Variants in COPS8 observed in about 807,000 individuals in gnomAD.
The protein encoded by COPS8 is COP9 signalosome subunit 8.
COPS8 carries 11 observed loss-of-function variants against 31.5 expected under a neutral mutation model. That is an observed-to-expected ratio of 0.35 (90% CI 0.22 to 0.58). COPS8 has a LOEUF of 0.58. Among genes scored for constraint, COPS8 ranks in the 20% least tolerant of loss-of-function variants. The pLI, the probability that COPS8 is intolerant of heterozygous loss-of-function variation, is 0.83. For synonymous variants in COPS8, 81 were observed against 89.3 expected, an observed-to-expected ratio of 0.91 and a Z score of 0.52; for missense variants, 215 against 255.1, an observed-to-expected ratio of 0.84 and a Z score of 1.07.
Position 237,089,863 on chromosome 2 carries a change from C to A in COPS8, c.200C>A (p.Ala67Glu). 1 of 1,612,038 alleles carries A rather than the reference C, an allele frequency of 6.2e-7. No homozygotes were observed. ...WKRIPPAIKS[A>E]NSELGGIWSV... ...CTAAGGCAATAATATTTATTGCAGG[C>A]AAATTCTGAACTTGGGGGAATTTGG... The change falls in exon 4 of 8, where the codon GCA (alanine) becomes GAA (glutamate). Residue 67 changes from alanine (A) to glutamate (E), a missense_variant and splice_region_variant. Transcript: ENST00000354371.
intron 5 of COPS8, among the ~76,000 whole-genome samples, chr2:237,095,599 T>C (rs879884275): frequency 6.6e-6 from 1 of 152,208 alleles, no homozygotes; most frequent in Non-Finnish European, 1.5e-5. Context: ...TTTTAATGAT[T>C]ATAGCAACCT....
At position 237,098,092 on chromosome 2, in the gene COPS8, T is replaced by C. The variant is rs1696836620; in HGVS notation, c.*350T>C. On this transcript the variant is annotated 3_prime_UTR_variant, in exon 8 of 8. Transcript: ENST00000354371. ...TCCCAGCACATGCCGTACTCTTATATGTACCATTGGTTGATAATTATAATG... is the reference window on the plus strand; with the variant it reads ...TCCCAGCACATGCCGTACTCTTATACGTACCATTGGTTGATAATTATAATG... 2 of 178,416 alleles carry C rather than the reference T, an allele frequency of 1.1e-5. No homozygotes were observed. The highest frequency in any genetic ancestry group is 1.6e-4 in the East Asian group (1 of 6,328). The allele number at this position is 178,416 out of a possible 1,614,324, so 11.1% of individuals were successfully genotyped here. A position where few individuals can be genotyped will look rare whatever the true frequency, so the allele number is the denominator to read the frequency against.
chr2:237,095,811 T>C lies in COPS8; in HGVS notation c.440-11T>C, dbSNP rs775848951. The C allele has an allele frequency of 4.4e-6, 7 of 1,591,320 alleles. No homozygotes were observed. Among genetic ancestry groups the C allele is most frequent in the South Asian group, 1.1e-5 (1 of 90,604 alleles). On this transcript the variant is annotated splice_polypyrimidine_tract_variant and intron_variant, in intron 5 of 7. Coordinates refer to ENST00000354371, the MANE Select transcript of COPS8 (RefSeq NM_006710.5). Reference sequence around the variant, plus strand: ...TCTTTCCGGATCTTTATGTGTAATATACTTTTTTAGGCATATTAGAACAAG... The same window carrying C: ...TCTTTCCGGATCTTTATGTGTAATACACTTTTTTAGGCATATTAGAACAAG...
In COPS8 at chr2:237,100,437, A is replaced by G. The variant is rs763881876; in HGVS notation, c.*2695A>G. 2 of 152,180 alleles carry G rather than the reference A, an allele frequency of 1.3e-5. No individual in the cohort carries two copies. Among genetic ancestry groups the G allele is most frequent in the Non-Finnish European group, 2.9e-5 (2 of 68,046 alleles). 9.4% of individuals were successfully genotyped at this position (152,180 alleles called of 1,614,324 possible). On this transcript the variant is annotated 3_prime_UTR_variant, in exon 8 of 8. Coordinates refer to ENST00000354371, the MANE Select transcript of COPS8 (RefSeq NM_006710.5). The stretch of plus-strand genomic sequence containing the variant: ...CAGCCCATCAGCAGTTGTGAACATG[A>G]CATGGTGAATAAACACTCTCTTCCT...
chr2:237,090,743 A>C (rs543918990), intron 4 of COPS8, among the ~76,000 whole-genome samples: 1 of 152,290 alleles, frequency 6.6e-6, no homozygotes, highest in African/African-American at 2.4e-5. Flanking sequence ...CAGACAGCAG[A>C]GATTGTTTCT....
intron 4 of COPS8, among the ~76,000 whole-genome samples, chr2:237,092,470 GA>G (rs1696723019): frequency 6.6e-6 from 1 of 151,556 alleles, no homozygotes. Flanking sequence ...CAGAATATTT[GA>G]ACTGAAGTAA....
intron 2 of COPS8, 124 bp downstream of exon 2, chr2:237,087,321 G>T (rs1445219787): frequency 3.2e-6 from 2 of 616,384 alleles, no homozygotes; most frequent in Non-Finnish European, 5.8e-6. Context: ...TACAGTAATT[G>T]TTAACGTCTA....
At chr2:237,087,232 G>T (rs1385728064) in intron 2 of COPS8, 35 bp downstream of exon 2, 1 of 1,457,790 alleles carries the variant, frequency 6.9e-7, no homozygotes, top group Non-Finnish European at 9.4e-7. Flanking sequence ...AGAGCAACAG[G>T]TTTCTCAAAG....
intron 6 of COPS8, 63 bp downstream of exon 6, chr2:237,095,947 A>T: frequency 8.7e-7 from 1 of 1,147,140 alleles, no homozygotes; most frequent in Non-Finnish European, 1.3e-6. Flanking sequence ...TCAGGTTTTC[A>T]GTCTTTGGTT....
chr2:237,090,056 G>A (rs1696679215), intron 4 of COPS8, 62 bp downstream of exon 4: 1 of 1,528,300 alleles, frequency 6.5e-7, no homozygotes, highest in African/African-American at 1.4e-5. Flanking sequence ...GTGCTGCAGT[G>A]TTGAAGTAAT....
chr2:237,086,918 T>G, intron 1 of COPS8: 1 of 450,272 alleles, frequency 2.2e-6, no homozygotes, highest in Non-Finnish European at 3.7e-6. Context: ...AATATAAACT[T>G]AATACTCAGA....
At chr2:237,086,544 G>T (rs1233815077) in intron 1 of COPS8, among the ~76,000 whole-genome samples, 5 of 152,146 alleles carry the variant, frequency 3.3e-5, no homozygotes, top group Admixed American at 1.3e-4. Flanking sequence ...AAGTTATGCA[G>T]CTGTTAAAGT....
chr2:237,096,043 G>A, intron 6 of COPS8, among the ~76,000 whole-genome samples, 159 bp downstream of exon 6: 1 of 152,168 alleles, frequency 6.6e-6, no homozygotes, highest in East Asian at 1.9e-4. Flanking sequence ...GGGTAGAAAG[G>A]ATCACCTAGT....
At position 237,098,388 on chromosome 2, in the gene COPS8, A is replaced by T. The variant is rs1164411174; in HGVS notation, c.*646A>T. ...AAAATGCAACTTATTTAAGACATTT[A>T]TGAGACATATTAACTTGTGCTGTCG... On this transcript the variant is annotated 3_prime_UTR_variant, in exon 8 of 8. Coordinates refer to ENST00000354371, the MANE Select transcript of COPS8 (RefSeq NM_006710.5). The T allele has an allele frequency of 1.3e-5, 2 of 152,360 alleles. No individual in the cohort carries two copies. The highest frequency in any genetic ancestry group is 2.9e-5 in the Non-Finnish European group (2 of 68,114). The allele number at this position is 152,360 out of a possible 1,614,324, so 9.4% of individuals were successfully genotyped here.
rs1418763936 is a variant in COPS8, at chr2:237,085,900, G to T, written c.-65G>T. 6.7e-7 allele frequency: 1 copy of T among 1,503,522 alleles called. No individual in the cohort carries two copies. The highest frequency in any genetic ancestry group is 1.9e-5 in the Admixed American group (1 of 54,042). The allele number at this position is 1,503,522 out of a possible 1,614,324, so 93.1% of individuals were successfully genotyped here. ...CGGCTTTAAACGTCATCGCGGGCGC[G>T]ACGCCTGAGGGACAGTCTGGGGTTT... On this transcript the variant is annotated 5_prime_UTR_variant, in exon 1 of 8. Transcript: ENST00000354371.
At chr2:237,087,092 G>T (rs981670648) in intron 1 of COPS8, 35 bp from the exon 2 acceptor site, 131 of 1,413,384 alleles carry the variant, frequency 9.3e-5, no homozygotes, top group Non-Finnish European at 1.2e-4. Flanking sequence ...AAAATTTTGT[G>T]TTGTTTTGTT....
chr2:237,087,168 T>C lies in COPS8; in HGVS notation c.120T>C (p.Leu40=). 11 of 1,609,282 alleles carry C rather than the reference T, an allele frequency of 6.8e-6. No homozygotes were observed. The highest frequency in any genetic ancestry group is 9.3e-6 in the Non-Finnish European group (11 of 1,178,338). The part of the protein sequence containing the change: ...GIATPPVYGQ[L]LALYLLHNDM... ...CTACACCCCCAGTGTATGGTCAGCTTCTAGCTTTATATTTGCTCCATAATG... is the reference window on the plus strand; with the variant it reads ...CTACACCCCCAGTGTATGGTCAGCTCCTAGCTTTATATTTGCTCCATAATG... Residue 40 remains leucine, a synonymous_variant, in exon 2 of 8, where the codon CTT becomes CTC. Transcript: ENST00000354371.
intron 5 of COPS8, 69 bp downstream of exon 5, chr2:237,094,266 C>A: frequency 7.1e-7 from 1 of 1,410,168 alleles, no homozygotes. Flanking sequence ...GGTTCACAGT[C>A]TCCTCTGAAA....
intron 1 of COPS8, 79 bp from the exon 2 acceptor site, chr2:237,087,048 T>C (rs1696629658): frequency 1.2e-5 from 11 of 888,314 alleles, no homozygotes; most frequent in Non-Finnish European, 1.9e-5. Flanking sequence ...AATATTATTT[T>C]AAAAATGAAA....
Sources: allele counts gnomAD v4.1 joint callset (sites outside exome capture counted in the v4.1 genomes callset), GRCh38; gene constraint gnomAD v4.1.1; transcripts MANE v1.5; gene names NCBI Gene and HGNC (gene_info 2026-07-23, HGNC 2026-07-21).